Variants in CACNA1H observed in about 807,000 individuals in gnomAD.
The protein encoded by CACNA1H is voltage-dependent T-type calcium channel subunit alpha-1H.
A neutral mutation model predicts 192.5 loss-of-function variants in CACNA1H; 149 were observed. The observed-to-expected ratio is 0.77, with a 90% CI of 0.68 to 0.89. The LOEUF is 0.89. Ranked by LOEUF, CACNA1H falls within the 40% of genes least tolerant of loss-of-function variation. CACNA1H has a pLI of 0.00. For missense variants in CACNA1H, 4,257 were observed against 3,423.5 expected (o/e 1.24, Z -6.08); for synonymous variants, 2,202 against 1,475.2 (o/e 1.49, Z -11.29).
rs961353459 is a variant in CACNA1H, at chr16:1,194,874, C to G, written c.300-98C>G. The G allele has an allele frequency of 6.8e-6, 6 of 879,716 alleles. No homozygotes were observed. The African/African-American group carries it at 8.2e-5, about 12-fold the overall frequency. 54.5% of individuals were successfully genotyped at this position (879,716 alleles called of 1,614,324 possible). A position where few individuals can be genotyped will look rare whatever the true frequency, so the allele number is the denominator to read the frequency against. The stretch of plus-strand genomic sequence containing the variant: ...TCCTGGACACCCCCACGCGCGCACA[C>G]CCGTGGCGGGGCTCCGGCTGACCGG... On this transcript the variant is annotated intron_variant, in intron 2 of 34. Transcript: ENST00000348261.
intron 2 of CACNA1H, among the ~76,000 whole-genome samples, chr16:1,160,926 G>A (rs1052760198): frequency 1.3e-5 from 2 of 152,094 alleles, no homozygotes; most frequent in African/African-American, 4.8e-5. Flanking sequence ...TCAGCCCAGT[G>A]CGGCCCCCCC....
intron 9 of CACNA1H, among the ~76,000 whole-genome samples, chr16:1,202,893 AC>A (rs1968153148): frequency 6.6e-6 from 1 of 151,994 alleles, no homozygotes; most frequent in Non-Finnish European, 1.5e-5. Flanking sequence ...TGGGGGAGGC[AC>A]CGTCGCAGAG....
chr16:1,154,050 C>CGGG lies in CACNA1H; in HGVS notation c.299+14_299+15insGGG, dbSNP rs1961937029. On this transcript the variant is annotated intron_variant, in intron 2 of 34. Coordinates refer to ENST00000348261, the MANE Select transcript of CACNA1H (RefSeq NM_021098.3). ...GGTCTGCAACCCATATCCTTCCCGG[C>CGGG]CGGCGGGGGGCGGGGGGCGGGGGGC... The CGGG allele has an allele frequency of 4.4e-6, 4 of 909,616 alleles. No homozygotes were observed. In the African/African-American group the frequency reaches 8.9e-5, roughly 20 times the overall value. 56.3% of individuals were successfully genotyped at this position (909,616 alleles called of 1,614,324 possible).
chr16:1,164,339 TC>T (rs1963535398), intron 2 of CACNA1H, among the ~76,000 whole-genome samples: 1 of 152,168 alleles, frequency 6.6e-6, no homozygotes, highest in Non-Finnish European at 1.5e-5. Context: ...TACTGTTTTT[TC>T]TTTTCTTTTT....
intron 2 of CACNA1H, among the ~76,000 whole-genome samples, chr16:1,185,527 C>G (rs575094801): frequency 8.3e-6 from 1 of 120,570 alleles, no homozygotes; most frequent in Non-Finnish European, 1.8e-5. Flanking sequence ...GTCTGCTTTT[C>G]TGGGGAACCC....
chr16:1,217,065 CT>C (rs1970086976), intron 31 of CACNA1H, 55 bp downstream of exon 31: 17 of 1,422,624 alleles, frequency 1.2e-5, no homozygotes, highest in South Asian at 1.1e-4. Context: ...ACAGGCGCCC[CT>C]GTGCCCATCC....
chr16:1,187,744 G>C (rs982701136), intron 2 of CACNA1H, among the ~76,000 whole-genome samples: 1 of 152,230 alleles, frequency 6.6e-6, no homozygotes, highest in African/African-American at 2.4e-5. Flanking sequence ...CGCACCTGGA[G>C]ACGTCCATCC....
Position 1,215,660 on chromosome 16 carries a change from C to A in CACNA1H, c.5244+67C>A. The A allele has an allele frequency of 3.1e-6, 4 of 1,293,722 alleles. No individual in the cohort carries two copies. In the Admixed American group the frequency reaches 7.6e-5, roughly 24 times the overall value. 80.1% of individuals were successfully genotyped at this position (1,293,722 alleles called of 1,614,324 possible). On this transcript the variant is annotated intron_variant, in intron 30 of 34. Coordinates refer to ENST00000348261, the MANE Select transcript of CACNA1H (RefSeq NM_021098.3). ...GACGGGGTTGCAGGGAGCGCCTCGCCGTCCCCCTCTCCCCCTCACTCGTTT... is the reference window on the plus strand; with the variant it reads ...GACGGGGTTGCAGGGAGCGCCTCGCAGTCCCCCTCTCCCCCTCACTCGTTT...
intron 2 of CACNA1H, among the ~76,000 whole-genome samples, chr16:1,155,546 C>T (rs531831525): frequency 2.0e-5 from 3 of 152,138 alleles, no homozygotes; most frequent in African/African-American, 4.8e-5. Flanking sequence ...GAGCCAAGGC[C>T]TGCGTTCCTT....
At position 1,215,383 on chromosome 16, in the gene CACNA1H, C is replaced by G; in HGVS notation, c.5173+8C>G. On this transcript the variant is annotated splice_region_variant and intron_variant, in intron 29 of 34. Transcript: ENST00000348261. ...TGCTTCGCATTGCCCGTGGTAGGTG[C>G]CCGCGTGCCCGCCAGGTTCTCTCTG... 1 of 1,606,266 alleles carries G rather than the reference C, an allele frequency of 6.2e-7. No homozygotes were observed. The highest frequency in any genetic ancestry group is 8.5e-7 in the Non-Finnish European group (1 of 1,176,896).
intron 2 of CACNA1H, among the ~76,000 whole-genome samples, chr16:1,192,800 G>A (rs1015685587): frequency 5.9e-5 from 9 of 152,256 alleles, no homozygotes; most frequent in South Asian, 4.1e-4. Flanking sequence ...GACATCTGGA[G>A]GCGGGTCTCA....
chr16:1,153,136 G>C lies in CACNA1H; in HGVS notation c.-353G>C, dbSNP rs914836475. 19 of 143,264 alleles carry C rather than the reference G, an allele frequency of 1.3e-4. No individual in the cohort carries two copies. The highest frequency in any genetic ancestry group is 4.0e-4 in the African/African-American group (16 of 40,000). The allele number at this position is 143,264 out of a possible 1,614,324, so 8.9% of individuals were successfully genotyped here. ...GAAGTTTCCTGCGCCGCGCGCGGACGGGCTCGAGGCTCGCTCGCTGCCTCA... is the reference window on the plus strand; with the variant it reads ...GAAGTTTCCTGCGCCGCGCGCGGACCGGCTCGAGGCTCGCTCGCTGCCTCA... On this transcript the variant is annotated 5_prime_UTR_variant, in exon 1 of 35. Coordinates refer to ENST00000348261, the MANE Select transcript of CACNA1H (RefSeq NM_021098.3).
intron 2 of CACNA1H, among the ~76,000 whole-genome samples, chr16:1,183,995 G>A (rs149521964): frequency 7.2e-5 from 11 of 152,342 alleles, no homozygotes; most frequent in Non-Finnish European, 1.6e-4. Context: ...TGGCTGCCCC[G>A]GTGCTTCATC....
chr16:1,153,341 T>G lies in CACNA1H; in HGVS notation c.-148T>G, dbSNP rs1285631063. ...GGACGCGGGCCGGGGGCGGAGGCGC[T>G]GGGGGCCGGGGCCGGGGCCGGGGGC... On this transcript the variant is annotated 5_prime_UTR_variant, in exon 1 of 35. Transcript: ENST00000348261. 2 of 85,218 alleles carry G rather than the reference T, an allele frequency of 2.3e-5. No individual in the cohort carries two copies. The highest frequency in any genetic ancestry group is 4.1e-5 in the African/African-American group (1 of 24,490). The allele number at this position is 85,218 out of a possible 1,614,324, so 5.3% of individuals were successfully genotyped here.
intron 5 of CACNA1H, 108 bp from the exon 6 acceptor site, chr16:1,198,507 C>A (rs1229433096): frequency 1.6e-6 from 2 of 1,215,294 alleles, no homozygotes; most frequent in African/African-American, 3.0e-5. Context: ...TGGGCGTGGA[C>A]ACCCACTGTG....
At chr16:1,201,229 G>A (rs1217395458) in intron 8 of CACNA1H, among the ~76,000 whole-genome samples, 3 of 152,160 alleles carry the variant, frequency 2.0e-5, no homozygotes, top group Non-Finnish European at 4.4e-5. Flanking sequence ...GACCTAGTAG[G>A]TAACAGAAGC....
At position 1,196,016 on chromosome 16, in the gene CACNA1H, C is replaced by A. The variant is rs748157994; in HGVS notation, c.636C>A (p.Arg212=). ...RVLRPLRAIN[R]VPSMRILVTL... ...TGCGGCCCCTCCGCGCCATCAACCG[C>A]GTGCCTAGTAAGTGACCGGCCCCGA... Residue 212 remains arginine (R), a synonymous_variant, in exon 5 of 35, where the codon CGC becomes CGA. Coordinates refer to ENST00000348261, the MANE Select transcript of CACNA1H (RefSeq NM_021098.3). 4.3e-6 allele frequency: 7 copies of A among 1,612,466 alleles called. No individual in the cohort carries two copies. Among genetic ancestry groups the A allele is most frequent in the Non-Finnish European group, 5.9e-6 (7 of 1,179,386 alleles).
chr16:1,215,652 C>A, intron 30 of CACNA1H, 59 bp downstream of exon 30: 1 of 1,414,668 alleles, frequency 7.1e-7, no homozygotes, highest in Non-Finnish European at 9.8e-7. Flanking sequence ...TTGCAGGGAG[C>A]GCCTCGCCGT....
In CACNA1H at chr16:1,200,803, A is replaced by T; in HGVS notation, c.1207A>T (p.Ile403Phe). The T allele has an allele frequency of 6.4e-7, 1 of 1,551,156 alleles. No homozygotes were observed. Among genetic ancestry groups the T allele is most frequent in the Non-Finnish European group, 8.7e-7 (1 of 1,146,822 alleles). Residue 403 changes from isoleucine (I) to phenylalanine (F), a missense_variant, in exon 8 of 35, where the codon ATC becomes TTC. Physicochemically the swap from Ile to Phe is conservative, Grantham distance 21 (BLOSUM62 0). Transcript: ENST00000348261. The part of the protein sequence containing the change: ...FYNFIYFILL[I>F]IVGSFFMINL... The stretch of plus-strand genomic sequence containing the variant: ...CAACTTCATCTATTTCATCCTGCTC[A>T]TCATCGTGAGTGTGGGCGGCAGTGT...
Sources: allele counts gnomAD v4.1 joint callset (sites outside exome capture counted in the v4.1 genomes callset), GRCh38; gene constraint gnomAD v4.1.1; transcripts MANE v1.5; gene names NCBI Gene and HGNC (gene_info 2026-07-23, HGNC 2026-07-21).